CASZ1: variants seen among roughly 807,000 people sequenced by gnomAD.
CASZ1 encodes the protein zinc finger protein castor homolog 1.
CASZ1 carries 28 observed loss-of-function variants against 135.2 expected under a neutral mutation model. The ratio of observed to expected loss-of-function variants is 0.21; its 90% CI spans 0.15 to 0.28. The LOEUF (loss-of-function observed/expected upper bound fraction) is 0.28, where lower values mean the gene tolerates loss of function less well. Ranked by LOEUF, CASZ1 falls within the 10% of genes least tolerant of loss-of-function variation. CASZ1 has a pLI of 1.00. For missense variants in CASZ1, 2,161 were observed against 2,453.3 expected (o/e 0.88, Z 2.52); for synonymous variants, 1,068 against 1,073.4 (o/e 0.99, Z 0.10).
At chr1:10,696,151 C>G (rs963152269) in intron 3 of CASZ1, among the ~76,000 whole-genome samples, 1 of 152,170 alleles carries the variant, frequency 6.6e-6, no homozygotes, top group African/African-American at 2.4e-5. Context: ...TCCTACTTTC[C>G]CCTCATTTTT....
chr1:10,727,320 C>T lies in CASZ1; in HGVS notation c.-76-21776G>A, dbSNP rs1639615506. 6.6e-6 allele frequency among the ~76,000 whole-genome samples: 1 copy of T among 152,092 alleles called. No individual in the cohort carries two copies. Among genetic ancestry groups the T allele is most frequent in the Non-Finnish European group, 1.5e-5 (1 of 68,006 alleles). The stretch of plus-strand genomic sequence containing the variant: ...CCCCCACTCCAGGTCATCGGCCATC[C>T]AGCTCTTCATTCACAACTCTCCATG... On this transcript the variant is annotated intron_variant, in intron 2 of 20. Transcript: ENST00000377022. This position sits in a 1 kb window ranked among gnomAD's most constrained non-coding sequence, Gnocchi z 5.3.
chr1:10,757,318 C>T lies in CASZ1; in HGVS notation c.-77+3383G>A, dbSNP rs1305880813. 2.6e-5 allele frequency among the ~76,000 whole-genome samples: 4 copies of T among 152,096 alleles called. No homozygotes were observed. The highest frequency in any genetic ancestry group is 5.9e-5 in the Non-Finnish European group (4 of 68,020). On this transcript the variant is annotated intron_variant, in intron 2 of 20. Coordinates refer to ENST00000377022, the MANE Select transcript of CASZ1 (RefSeq NM_001079843.3). This position sits in a 1 kb window ranked among gnomAD's most constrained non-coding sequence, Gnocchi z 4.6. Reference sequence around the variant, plus strand: ...CTGGGGCCCTCTCTTTTCCTTGCCCCGTTGAATCCATCATTGAGTCCTGCT... The same window carrying T: ...CTGGGGCCCTCTCTTTTCCTTGCCCTGTTGAATCCATCATTGAGTCCTGCT...
chr1:10,781,373 C>A (rs1640759707), intron 1 of CASZ1, among the ~76,000 whole-genome samples: 1 of 152,224 alleles, frequency 6.6e-6, no homozygotes. Context: ...AGGGCAAGGG[C>A]CACACTCCCG....
In CASZ1 at chr1:10,636,943, TATAAAAC is replaced by T. The variant is rs1642013432; in HGVS notation, c.*1992_*1998del. 6.6e-6 allele frequency: 1 copy of T among 152,190 alleles called. No homozygotes were observed. The allele number at this position is 152,190 out of a possible 1,614,324, so 9.4% of individuals were successfully genotyped here. A position where few individuals can be genotyped will look rare whatever the true frequency, so the allele number is the denominator to read the frequency against. On this transcript the variant is annotated 3_prime_UTR_variant, in exon 21 of 21. Coordinates refer to ENST00000377022, the MANE Select transcript of CASZ1 (RefSeq NM_001079843.3). ...ATTTATATATATACACATACATAGT[TATAAAAC>T]ATTAAAAAGAGCATTGGTGGATCAA...
rs768610205 is a variant in CASZ1, at chr1:10,644,974, G to A, written c.3811C>T (p.Arg1271Trp). ...TATTTGAAGCCATTGGCTGCCCGCC[G>A]CTCCGCCTTCTCATGCTTCTTGATG... is the stretch of plus-strand genomic sequence containing the variant. ...WHIKKHEKAERRAANGFKYFT... is the reference protein window; with the variant it reads ...WHIKKHEKAEWRAANGFKYFT... Residue 1271 changes from arginine to tryptophan, a missense_variant, in exon 18 of 21, where the codon CGG becomes TGG. Physicochemically the swap from Arg to Trp is moderately radical, Grantham distance 101. Around this residue, in one of 7 missense-constraint regions of CASZ1, gnomAD observed 349 missense variants for 460.8 expected, o/e 0.76. Coordinates refer to ENST00000377022, the MANE Select transcript of CASZ1 (RefSeq NM_001079843.3). 12 of 1,613,964 alleles carry A rather than the reference G, an allele frequency of 7.4e-6. No individual in the cohort carries two copies. In the East Asian group the frequency reaches 8.9e-5, roughly 12 times the overall value.
intron 2 of CASZ1, among the ~76,000 whole-genome samples, chr1:10,728,822 G>T (rs928698301): frequency 6.6e-6 from 1 of 152,044 alleles, no homozygotes; most frequent in African/African-American, 2.4e-5. Flanking sequence ...GTGCCTGGCC[G>T]GCGCTTGAAG....
intron 2 of CASZ1, among the ~76,000 whole-genome samples, chr1:10,748,107 T>C (rs897156691): frequency 2.0e-5 from 3 of 152,174 alleles, no homozygotes; most frequent in Non-Finnish European, 2.9e-5. Context: ...TGTGAGCCAC[T>C]GCGCCCGGCC....
intron 2 of CASZ1, among the ~76,000 whole-genome samples, chr1:10,729,157 C>G (rs1639652487): frequency 6.6e-6 from 1 of 152,188 alleles, no homozygotes; most frequent in East Asian, 1.9e-4. Context: ...TCCTGCCCCC[C>G]AGGCCCTCGG....
At chr1:10,654,630 A>T in intron 9 of CASZ1, 39 bp from the exon 10 acceptor site, 1 of 1,598,228 alleles carries the variant, frequency 6.3e-7, no homozygotes, top group Non-Finnish European at 8.6e-7. Context: ...AACGGAGGCC[A>T]GGTGCTCCTG....
chr1:10,729,088 G>A (rs1040994176), intron 2 of CASZ1, among the ~76,000 whole-genome samples: 5 of 151,936 alleles, frequency 3.3e-5, no homozygotes, highest in African/African-American at 9.7e-5. Flanking sequence ...GGCAGCTGGG[G>A]GAAGGGGAGT....
chr1:10,660,637 T>G lies in CASZ1; in HGVS notation c.506-101A>C, dbSNP rs144546043. Reference sequence around the variant, plus strand: ...CACCCATAGAGGGAGGGGGTCAGTGTGGGGAGGGGCGGAGCAGGACACGAT... The same window carrying G: ...CACCCATAGAGGGAGGGGGTCAGTGGGGGGAGGGGCGGAGCAGGACACGAT... On this transcript the variant is annotated intron_variant, in intron 5 of 20. Coordinates refer to ENST00000377022, the MANE Select transcript of CASZ1 (RefSeq NM_001079843.3). The G allele has an allele frequency of 1.4e-3, 1,212 of 877,156 alleles. 12 individuals carry two copies. The African/African-American group carries it at 0.017, about 12-fold the overall frequency. The allele number at this position is 877,156 out of a possible 1,614,324, so 54.3% of individuals were successfully genotyped here.
intron 4 of CASZ1, among the ~76,000 whole-genome samples, chr1:10,675,321 C>T (rs1480042914): frequency 2.6e-5 from 4 of 152,124 alleles, no homozygotes; most frequent in Admixed American, 6.5e-5. Flanking sequence ...GGACAGAGGA[C>T]GGGGCCAGGG....
chr1:10,683,470 A>G (rs564509656), intron 4 of CASZ1, among the ~76,000 whole-genome samples: 52 of 152,254 alleles, frequency 3.4e-4, no homozygotes, highest in African/African-American at 1.1e-3. Context: ...CAGTGGAGAC[A>G]CCCACCGCAG....
chr1:10,733,260 G>T (rs775685825), intron 2 of CASZ1, among the ~76,000 whole-genome samples: 2 of 152,174 alleles, frequency 1.3e-5, no homozygotes, highest in Non-Finnish European at 2.9e-5. Flanking sequence ...ACCCAAACTT[G>T]ACCTGGGGCC....
intron 1 of CASZ1, among the ~76,000 whole-genome samples, chr1:10,779,834 C>T (rs1640731204): frequency 6.6e-6 from 1 of 152,168 alleles, no homozygotes; most frequent in Admixed American, 6.5e-5. Context: ...CTGGGCAGAC[C>T]CTATGAAGTG....
chr1:10,733,920 C>T (rs1159675557), intron 2 of CASZ1, among the ~76,000 whole-genome samples: 1 of 152,204 alleles, frequency 6.6e-6, no homozygotes, highest in Non-Finnish European at 1.5e-5. Context: ...AAGGGCGTGG[C>T]ACAGCACTTG....
intron 2 of CASZ1, among the ~76,000 whole-genome samples, chr1:10,749,286 C>A (rs1164666785): frequency 1.3e-5 from 2 of 151,618 alleles, no homozygotes; most frequent in Non-Finnish European, 2.9e-5. Flanking sequence ...CTCACTCTGT[C>A]GCCCAGGCTG....
chr1:10,746,940 C>T (rs1205582170), intron 2 of CASZ1, among the ~76,000 whole-genome samples: 1 of 152,232 alleles, frequency 6.6e-6, no homozygotes, highest in Non-Finnish European at 1.5e-5. Context: ...ACTCCCTGCC[C>T]CTTCTCTAGG....
intron 6 of CASZ1, 127 bp from the exon 7 acceptor site, chr1:10,658,703 A>C: frequency 1.3e-6 from 1 of 798,320 alleles, no homozygotes; most frequent in East Asian, 2.6e-5. Context: ...TGTCCGAGGC[A>C]CCCACGGTGG....
Sources: gnomAD v4.1 joint callset for allele counts (sites outside exome capture counted in the v4.1 genomes callset) on GRCh38, gnomAD v4.1.1 for gene constraint, gnomAD v4.1.1 regional missense constraint, Gnocchi (gnomAD v3.1) non-coding constraint, MANE v1.5 for transcripts, NCBI Gene and HGNC (gene_info 2026-07-23, HGNC 2026-07-21) for gene names.